Variants in ACSS2 observed in about 807,000 individuals in gnomAD.
ACSS2 encodes the protein acyl-CoA synthetase short chain family member 2, also known as acetyl-coenzyme A synthetase, cytoplasmic.
In ACSS2, 58 loss-of-function variants were observed where a neutral mutation model predicts 90.6. The observed-to-expected ratio is 0.64, with a 90% CI of 0.52 to 0.80. The LOEUF (loss-of-function observed/expected upper bound fraction) is 0.80. ACSS2 is among the 30% of genes least tolerant of loss of function. The pLI is 0.00. For synonymous variants in ACSS2, 300 were observed against 330.9 expected (o/e 0.91, Z 1.01); for missense variants, 759 against 912.0 (o/e 0.83, Z 2.16).
intron 7 of ACSS2, among the ~76,000 whole-genome samples, chr20:34,916,360 T>C (rs949532367): frequency 2.0e-5 from 3 of 152,244 alleles, no homozygotes; most frequent in African/African-American, 4.8e-5. Flanking sequence ...ATAAGGATAA[T>C]AATTATACCT....
upstream of ACSS2, among the ~76,000 whole-genome samples, chr20:34,875,484 G>C (rs893436757): frequency 6.6e-5 from 10 of 152,186 alleles, no homozygotes; most frequent in African/African-American, 2.4e-4. Flanking sequence ...CAGGAGAATT[G>C]CTTGAATCCA....
chr20:34,915,269 G>A, intron 7 of ACSS2: 2 of 1,613,910 alleles, frequency 1.2e-6, no homozygotes, highest in Non-Finnish European at 1.7e-6. Context: ...ATCCATTTCT[G>A]CACTGCCGTG....
rs34951413 is a variant in ACSS2, at chr20:34,900,166, CTTTTT to C, written c.375-12912_375-12908del. Reference sequence around the variant, plus strand: ...TTGTATCTCCTTGACCATGCCTGACCTTTTTTTTTTTTTTTTTTTTTTGAGACTGA... The same window carrying C: ...TTGTATCTCCTTGACCATGCCTGACCTTTTTTTTTTTTTTTTTGAGACTGA... On this transcript the variant is annotated intron_variant, in intron 2 of 17. Coordinates refer to ENST00000360596, the MANE Select transcript of ACSS2 (RefSeq NM_018677.4). Among the ~76,000 whole-genome samples, 4 of 79,216 alleles carry C rather than the reference CTTTTT, an allele frequency of 5.0e-5. No individual in the cohort carries two copies. In the South Asian group the frequency reaches 1.6e-3, roughly 31 times the overall value. 52.0% of individuals were successfully genotyped at this position (79,216 alleles called of 152,430 possible). A position where few individuals can be genotyped will look rare whatever the true frequency, so the allele number is the denominator to read the frequency against.
chr20:34,876,843 G>A lies in ACSS2; in HGVS notation c.178+20G>A. 2.4e-6 allele frequency: 3 copies of A among 1,271,006 alleles called. No individual in the cohort carries two copies. Among genetic ancestry groups the A allele is most frequent in the Non-Finnish European group, 3.0e-6 (3 of 1,007,406 alleles). 78.7% of individuals were successfully genotyped at this position (1,271,006 alleles called of 1,614,324 possible). ...CGCGGGGTGAGGCCCGGCCCGGGCG[G>A]GCCTGGGGTGTCAGTGAGGAGAAGA... On this transcript the variant is annotated intron_variant, in intron 1 of 17. Transcript: ENST00000360596.
intron 2 of ACSS2, among the ~76,000 whole-genome samples, chr20:34,885,983 T>TTTTTTTTTTTTTTTTTG (rs2080182340): frequency 6.6e-6 from 1 of 152,012 alleles, no homozygotes; most frequent in African/African-American, 2.4e-5. Context: ...TTAATTATTT[T>TTTTTTTTTTTTTTTTTG]ATGTTTATAG....
rs759310107 is a variant in ACSS2 at position 34,926,153 on chromosome 20, A to C, written c.1775A>C (p.Glu592Ala). 1.9e-6 allele frequency: 3 copies of C among 1,614,206 alleles called. No homozygotes were observed. Among genetic ancestry groups the C allele is most frequent in the Middle Eastern group, 1.6e-4 (1 of 6,062 alleles). ...GTGGAGTCAGCACTTGTGGAACATG[A>C]GGCTGTTGCAGAGGCAGCTGTGGTG... ...AEVESALVEHEAVAEAAVVGH... is the reference protein window; with the variant it reads ...AEVESALVEHAAVAEAAVVGH... The change falls in exon 16 of 18, where the codon GAG (glutamate) becomes GCG (alanine). Residue 592 changes from glutamate to alanine, a missense_variant. Physicochemically the swap from Glu to Ala is moderately radical, Grantham distance 107. Transcript: ENST00000360596.
chr20:34,918,766 TCTGA>T (rs1490936876), intron 7 of ACSS2, among the ~76,000 whole-genome samples: 3 of 152,244 alleles, frequency 2.0e-5, no homozygotes, highest in Non-Finnish European at 4.4e-5. Context: ...ACCTGTAAGC[TCTGA>T]CTAATTTTGC....
upstream of ACSS2, among the ~76,000 whole-genome samples, chr20:34,876,157 T>A (rs915435106): frequency 6.6e-6 from 1 of 152,094 alleles, no homozygotes; most frequent in Non-Finnish European, 1.5e-5. Context: ...TCCCTTTCGA[T>A]CCTTGCCTTA....
At chr20:34,894,766 G>A (rs1380879436) in intron 2 of ACSS2, among the ~76,000 whole-genome samples, 1 of 152,138 alleles carries the variant, frequency 6.6e-6, no homozygotes, top group East Asian at 1.9e-4. Flanking sequence ...TTATTTATAT[G>A]GATAGCCATG....
chr20:34,919,359 C>G (rs2081142848), intron 7 of ACSS2, 76 bp from the exon 8 acceptor site: 1 of 1,581,130 alleles, frequency 6.3e-7, no homozygotes. Context: ...CACCTCATTC[C>G]CTCCAGGGGC....
At chr20:34,899,466 CCTTT>C (rs1403945665) in intron 2 of ACSS2, among the ~76,000 whole-genome samples, 10 of 136,388 alleles carry the variant, frequency 7.3e-5, no homozygotes, top group East Asian at 2.1e-4. Context: ...TTCCTTCCTT[CCTTT>C]CTTTTTCTTT....
At chr20:34,925,927 G>C (rs1478923083) in intron 15 of ACSS2, among the ~76,000 whole-genome samples, 161 bp downstream of exon 15, 1 of 152,190 alleles carries the variant, frequency 6.6e-6, no homozygotes, top group Non-Finnish European at 1.5e-5. Context: ...ATGAACACTG[G>C]AATGTGCCTA....
chr20:34,899,800 T>C (rs1307220322), intron 2 of ACSS2, among the ~76,000 whole-genome samples: 1 of 152,186 alleles, frequency 6.6e-6, no homozygotes, highest in African/African-American at 2.4e-5. Flanking sequence ...CATTTTTCTT[T>C]ATTCATTCCT....
intron 2 of ACSS2, among the ~76,000 whole-genome samples, chr20:34,899,475 T>TC: frequency 8.8e-6 from 1 of 113,584 alleles, no homozygotes; most frequent in East Asian, 2.7e-4. Context: ...TCCTTTCTTT[T>TC]TCTTTCTTTT....
chr20:34,926,131 G>A lies in ACSS2; in HGVS notation c.1753G>A (p.Glu585Lys). The change falls in exon 16 of 18, where the codon GAG (glutamate) becomes AAG (lysine). Residue 585 changes from glutamate to lysine, a missense_variant. Physicochemically the swap from Glu to Lys is moderately conservative, Grantham distance 56 (BLOSUM62 1). Coordinates refer to ENST00000360596, the MANE Select transcript of ACSS2 (RefSeq NM_018677.4). ...ACACCTGCTGAGTACAGCAGAGGTG[G>A]AGTCAGCACTTGTGGAACATGAGGC... ...SGHLLSTAEVESALVEHEAVA... is the reference protein window; with the variant it reads ...SGHLLSTAEVKSALVEHEAVA... The A allele has an allele frequency of 6.2e-7, 1 of 1,614,236 alleles. No homozygotes were observed. The highest frequency in any genetic ancestry group is 8.5e-7 in the Non-Finnish European group (1 of 1,180,040).
chr20:34,882,713 CTGTG>C (rs575177684), intron 1 of ACSS2, 77 bp from the exon 2 acceptor site: 95 of 1,360,096 alleles, frequency 7.0e-5, no homozygotes, highest in Non-Finnish European at 9.4e-5. Flanking sequence ...TAATTTGGTC[CTGTG>C]TATAGACTGG....
chr20:34,910,019 A>AT (rs11482260), intron 2 of ACSS2, among the ~76,000 whole-genome samples: 111,969 of 138,122 alleles, frequency 0.81, 46,751 homozygotes, highest in South Asian at 0.92. Context: ...GCCTGGCCAA[A>AT]TTTTTTTTTT....
intron 2 of ACSS2, among the ~76,000 whole-genome samples, chr20:34,901,419 G>T: frequency 6.6e-6 from 1 of 152,142 alleles, no homozygotes; most frequent in Non-Finnish European, 1.5e-5. Flanking sequence ...TGAGTAATCT[G>T]TGGTTCAGTT....
At chr20:34,914,757 A>G (rs2081042862) in intron 7 of ACSS2, among the ~76,000 whole-genome samples, 1 of 152,182 alleles carries the variant, frequency 6.6e-6, no homozygotes, top group African/African-American at 2.4e-5. Flanking sequence ...GAGTGACAAT[A>G]TATAGTCATC....
Sources: gnomAD v4.1 joint callset for allele counts (sites outside exome capture counted in the v4.1 genomes callset) on GRCh38, gnomAD v4.1.1 for gene constraint, MANE v1.5 for transcripts, NCBI Gene and HGNC (gene_info 2026-07-23, HGNC 2026-07-21) for gene names.